Variants in CCDC178 observed in about 807,000 individuals in gnomAD.
CCDC178 encodes the protein coiled-coil domain-containing protein 178.
Under a neutral mutation model 117.4 loss-of-function variants are expected in CCDC178, and 126 were observed. That is an observed-to-expected ratio of 1.07 (90% CI 0.93 to 1.24). The LOEUF (loss-of-function observed/expected upper bound fraction) is 1.24, where lower values mean the gene tolerates loss of function less well. Ranked by LOEUF, CCDC178 falls within the 50% of genes most tolerant of loss-of-function variation. The probability of loss-of-function intolerance (pLI) is 0.00; values close to 1 mark genes in which losing one functional copy is unlikely to be tolerated. For synonymous variants in CCDC178, 283 were observed against 313.4 expected (o/e 0.90, Z 1.02); for missense variants, 1,030 against 986.9 (o/e 1.04, Z -0.59).
At chr18:33,228,615 C>T (rs1489577906) in intron 15 of CCDC178, among the ~76,000 whole-genome samples, 2 of 152,232 alleles carry the variant, frequency 1.3e-5, no homozygotes, top group Admixed American at 1.3e-4. Flanking sequence ...GGCAAAACAT[C>T]TGGAGCTTCT....
At chr18:33,219,506 G>A (rs1393313349) in intron 18 of CCDC178, among the ~76,000 whole-genome samples, 1 of 152,134 alleles carries the variant, frequency 6.6e-6, no homozygotes, top group African/African-American at 2.4e-5. Flanking sequence ...ATTCACAATA[G>A]CAAAGACTTG....
intron 20 of CCDC178, among the ~76,000 whole-genome samples, chr18:33,207,442 T>C (rs1319271103): frequency 6.6e-6 from 1 of 151,718 alleles, no homozygotes; most frequent in Non-Finnish European, 1.5e-5. Flanking sequence ...AAAATCTACA[T>C]ATTTTTGCTG....
Position 33,245,332 on chromosome 18 carries a change from A to C in CCDC178, c.1506T>G (p.Ala502=). The change falls in exon 15 of 23, where the codon GCT becomes GCG. Residue 502 remains alanine, a synonymous_variant. Transcript: ENST00000383096. ...DKHLKNIYKE[A]YRIGTLFHLT... ...GGTGGAAAAGAGTACCAATGCGATA[A>C]GCCTCCTTATAGATGTTCTTGAGAT... is the stretch of plus-strand genomic sequence containing the variant. 6.2e-7 allele frequency: 1 copy of C among 1,609,702 alleles called. No homozygotes were observed. Among genetic ancestry groups the C allele is most frequent in the East Asian group, 2.2e-5 (1 of 44,654 alleles).
At chr18:33,179,872 G>T (rs1194580151) in intron 20 of CCDC178, among the ~76,000 whole-genome samples, 1 of 151,902 alleles carries the variant, frequency 6.6e-6, no homozygotes, top group Non-Finnish European at 1.5e-5. Flanking sequence ...AAACTTCATG[G>T]ACATTAATGG....
At chr18:32,989,590 C>A (rs780463082) in intron 21 of CCDC178, among the ~76,000 whole-genome samples, 2 of 152,118 alleles carry the variant, frequency 1.3e-5, no homozygotes, top group African/African-American at 2.4e-5. Context: ...AAACAAATGA[C>A]TGGGCTGTAT....
At chr18:33,070,982 A>G (rs1452122348) in intron 21 of CCDC178, among the ~76,000 whole-genome samples, 1 of 152,148 alleles carries the variant, frequency 6.6e-6, no homozygotes, top group Non-Finnish European at 1.5e-5. Context: ...AGATGAAAAT[A>G]AATCTTCAAA....
chr18:33,226,952 T>C lies in CCDC178; in HGVS notation c.1594-97A>G, dbSNP rs949826555. On this transcript the variant is annotated intron_variant, in intron 15 of 22. Coordinates refer to ENST00000383096, the MANE Select transcript of CCDC178 (RefSeq NM_001105528.4). ...CTAATATAAGACACATTTTTAATGT[T>C]TCAATATAGAGTAAAATATTAATTA... 9 of 483,174 alleles carry C rather than the reference T, an allele frequency of 1.9e-5. No homozygotes were observed. The Admixed American group carries it at 3.3e-4, about 18-fold the overall frequency. The allele number at this position is 483,174 out of a possible 1,614,324, so 29.9% of individuals were successfully genotyped here.
chr18:33,035,011 G>T (rs1171991821), intron 21 of CCDC178, among the ~76,000 whole-genome samples: 1 of 151,848 alleles, frequency 6.6e-6, no homozygotes, highest in Non-Finnish European at 1.5e-5. Context: ...TACTTAAAAG[G>T]CAGTGTGGAA....
chr18:33,337,058 T>C (rs1192223479), intron 9 of CCDC178, among the ~76,000 whole-genome samples: 1 of 151,982 alleles, frequency 6.6e-6, no homozygotes, highest in Non-Finnish European at 1.5e-5. Context: ...TTTGTTTGTG[T>C]AGTCTAAGAT....
chr18:32,978,673 C>G (rs1195796575), intron 21 of CCDC178, among the ~76,000 whole-genome samples: 1 of 152,254 alleles, frequency 6.6e-6, no homozygotes, highest in East Asian at 1.9e-4. Flanking sequence ...ATCAATACCC[C>G]TTTTTAAAAT....
chr18:32,990,084 T>C (rs2055357690), intron 21 of CCDC178, among the ~76,000 whole-genome samples: 1 of 152,110 alleles, frequency 6.6e-6, no homozygotes, highest in Non-Finnish European at 1.5e-5. Context: ...GAGTAGGATA[T>C]ATACAGAGAA....
chr18:33,074,944 G>T (rs1459413850), intron 21 of CCDC178, among the ~76,000 whole-genome samples: 1 of 152,142 alleles, frequency 6.6e-6, no homozygotes, highest in Non-Finnish European at 1.5e-5. Flanking sequence ...ATATAATGAT[G>T]AAAATAATTC....
intron 11 of CCDC178, among the ~76,000 whole-genome samples, chr18:33,294,500 T>C (rs1055341947): frequency 2.6e-5 from 4 of 152,198 alleles, no homozygotes; most frequent in Non-Finnish European, 4.4e-5. Flanking sequence ...GGTGTGCTTA[T>C]TGAATTGGCC....
At chr18:32,979,053 GA>G (rs564573777) in intron 21 of CCDC178, among the ~76,000 whole-genome samples, 8 of 147,602 alleles carry the variant, frequency 5.4e-5, no homozygotes, top group East Asian at 2.0e-4. Flanking sequence ...AAAAAAGAGA[GA>G]AAAAAAAAGT....
chr18:33,156,128 G>A (rs145497038), intron 20 of CCDC178, among the ~76,000 whole-genome samples: 47 of 121,874 alleles, frequency 3.9e-4, no homozygotes, highest in African/African-American at 1.2e-3. Context: ...TCGCACTGTC[G>A]CCCAGGGTGG....
intron 3 of CCDC178, among the ~76,000 whole-genome samples, chr18:33,403,497 A>C (rs1388187403): frequency 6.6e-6 from 1 of 152,158 alleles, no homozygotes; most frequent in Non-Finnish European, 1.5e-5. Context: ...TCCAAAAAAA[A>C]AAAAAACCGG....
intron 21 of CCDC178, among the ~76,000 whole-genome samples, chr18:33,050,169 C>T (rs2056722782): frequency 6.6e-6 from 1 of 152,088 alleles, no homozygotes; most frequent in Non-Finnish European, 1.5e-5. Context: ...TCCTAAATAG[C>T]TTTTAATTGA....
intron 21 of CCDC178, among the ~76,000 whole-genome samples, chr18:32,988,508 G>A (rs1307096684): frequency 6.6e-6 from 1 of 152,052 alleles, no homozygotes; most frequent in Admixed American, 6.6e-5. Context: ...AAACACATAG[G>A]ATGCAAACAG....
intron 6 of CCDC178, among the ~76,000 whole-genome samples, chr18:33,368,422 T>A (rs1054965796): frequency 3.9e-5 from 6 of 152,096 alleles, no homozygotes; most frequent in South Asian, 2.1e-4. Context: ...AGTAAAGAAG[T>A]CAGCTCTGGT....
Sources: gnomAD v4.1 joint callset for allele counts (sites outside exome capture counted in the v4.1 genomes callset) on GRCh38, gnomAD v4.1.1 for gene constraint, MANE v1.5 for transcripts, NCBI Gene and HGNC (gene_info 2026-07-23, HGNC 2026-07-21) for gene names.